The following NRXN3 variants were observed in gnomAD, a reference collection of about 807,000 sequenced individuals.
NRXN3 encodes neurexin 3, also known as neurexin III.
A neutral mutation model predicts 137.6 loss-of-function variants in NRXN3; 32 were observed. The observed-to-expected ratio is 0.23, with a 90% CI of 0.18 to 0.31. The LOEUF is 0.31. Among genes scored for constraint, NRXN3 ranks in the 10% least tolerant of loss-of-function variants. The pLI is 1.00. For missense variants in NRXN3, 1,574 were observed against 2,062.5 expected (o/e 0.76, Z 4.59); for synonymous variants, 798 against 784.5 (o/e 1.02, Z -0.29).
At chr14:79,429,321 A>T (rs1268578981) in intron 15 of NRXN3, among the ~76,000 whole-genome samples, 2 of 152,196 alleles carry the variant, frequency 1.3e-5, no homozygotes, top group South Asian at 4.1e-4. Flanking sequence ...TCTGGCACAC[A>T]TTATTTAACA....
At chr14:79,160,204 C>CT (rs2060628688) in intron 15 of NRXN3, among the ~76,000 whole-genome samples, 1 of 151,884 alleles carries the variant, frequency 6.6e-6, no homozygotes, top group South Asian at 2.1e-4. Context: ...AAGCCCAGAA[C>CT]TTTAACATAA....
intron 15 of NRXN3, among the ~76,000 whole-genome samples, chr14:79,007,684 T>C (rs2099556128): frequency 6.6e-6 from 1 of 150,718 alleles, no homozygotes; most frequent in African/African-American, 2.4e-5. Flanking sequence ...TGGGCATCTA[T>C]AGTCCCAGCT....
chr14:78,487,780 T>C, intron 4 of NRXN3, among the ~76,000 whole-genome samples: 1 of 134,382 alleles, frequency 7.4e-6, no homozygotes, highest in African/African-American at 3.0e-5. Context: ...AATAAATAAA[T>C]AAATAAATAA....
intron 20 of NRXN3, among the ~76,000 whole-genome samples, chr14:79,848,969 A>C (rs752236717): frequency 2.4e-4 from 37 of 152,062 alleles, no homozygotes; most frequent in Non-Finnish European, 3.8e-4. Flanking sequence ...ATGTCCTCCA[A>C]ATTTTCTCAT....
intron 20 of NRXN3, among the ~76,000 whole-genome samples, chr14:79,832,884 A>G (rs2099327872): frequency 6.6e-6 from 1 of 152,212 alleles, no homozygotes; most frequent in South Asian, 2.1e-4. Context: ...TAAAAGTTAT[A>G]AATAAAGCTA....
At chr14:79,778,348 G>A (rs1340011669) in intron 19 of NRXN3, among the ~76,000 whole-genome samples, 4 of 152,030 alleles carry the variant, frequency 2.6e-5, no homozygotes, top group African/African-American at 9.7e-5. Context: ...CCCAGGAGGC[G>A]GAGGTTGCAG....
chr14:79,003,856 T>G (rs1027958057), intron 15 of NRXN3, among the ~76,000 whole-genome samples: 15 of 152,160 alleles, frequency 9.9e-5, no homozygotes, highest in Admixed American at 7.9e-4. Context: ...CATGGCGATT[T>G]TGATAATCAG....
intron 4 of NRXN3, among the ~76,000 whole-genome samples, chr14:78,343,288 A>C (rs1030350521): frequency 6.6e-6 from 1 of 152,194 alleles, no homozygotes; most frequent in Non-Finnish European, 1.5e-5. Flanking sequence ...GAATATCATA[A>C]TCTCACAGTT....
chr14:78,635,307 A>C (rs17094080), intron 4 of NRXN3, among the ~76,000 whole-genome samples: 11,628 of 152,228 alleles, frequency 0.076, 536 homozygotes, highest in Middle Eastern at 0.15. Context: ...TAAAAAATTC[A>C]TACTTATTGC....
intron 9 of NRXN3, among the ~76,000 whole-genome samples, chr14:78,808,128 T>G (rs2098888642): frequency 6.6e-6 from 1 of 152,118 alleles, no homozygotes; most frequent in Non-Finnish European, 1.5e-5. Flanking sequence ...GGGATAGATT[T>G]TCCTTCTCAA....
intron 16 of NRXN3, among the ~76,000 whole-genome samples, chr14:79,550,247 G>A (rs1430996830): frequency 6.6e-6 from 1 of 152,030 alleles, no homozygotes; most frequent in Admixed American, 6.6e-5. Context: ...GGGATTACAG[G>A]CATGAGCCAC....
intron 10 of NRXN3, among the ~76,000 whole-genome samples, chr14:78,820,425 TAAAAAAAAA>T (rs10632138): frequency 8.3e-6 from 1 of 120,994 alleles, no homozygotes; most frequent in Non-Finnish European, 1.7e-5. Flanking sequence ...ATGTTATTTC[TAAAAAAAAA>T]AAAAAAAAAA....
chr14:78,489,978 G>A (rs1306659227), intron 4 of NRXN3, among the ~76,000 whole-genome samples: 3 of 151,098 alleles, frequency 2.0e-5, no homozygotes, highest in Admixed American at 6.6e-5. Flanking sequence ...GCAGTGGCAC[G>A]ATCTTGGCTC....
At chr14:78,198,015 C>T (rs753642841) in intron 1 of NRXN3, among the ~76,000 whole-genome samples, 3 of 152,252 alleles carry the variant, frequency 2.0e-5, no homozygotes, top group African/African-American at 4.8e-5. Flanking sequence ...AATATGATTC[C>T]GAAGGGATCT....
intron 2 of NRXN3, among the ~76,000 whole-genome samples, chr14:78,256,201 A>C (rs989168370): frequency 2.6e-5 from 4 of 152,096 alleles, no homozygotes; most frequent in African/African-American, 9.7e-5. Flanking sequence ...TTGTCACTGG[A>C]GATGGAGAGG....
At chr14:79,445,802 G>T (rs183221654) in intron 15 of NRXN3, among the ~76,000 whole-genome samples, 1 of 152,150 alleles carries the variant, frequency 6.6e-6, no homozygotes, top group Non-Finnish European at 1.5e-5. Context: ...AGTAAGAAAG[G>T]TTGGCAAGGG....
intron 16 of NRXN3, among the ~76,000 whole-genome samples, chr14:79,536,456 A>AT (rs543727007): frequency 6.7e-5 from 10 of 149,134 alleles, no homozygotes; most frequent in East Asian, 3.9e-4. Flanking sequence ...TTTATTAATT[A>AT]TTTTTTTTTT....
chr14:78,181,592 G>C lies in NRXN3; in HGVS notation c.-704+10918G>C, dbSNP rs2059812292. Among the ~76,000 whole-genome samples the C allele has an allele frequency of 2.6e-5, 4 of 152,292 alleles. No individual in the cohort carries two copies. The South Asian group carries it at 8.3e-4, about 32-fold the overall frequency. On this transcript the variant is annotated intron_variant, in intron 1 of 20. Coordinates refer to ENST00000335750, the MANE Select transcript of NRXN3 (RefSeq NM_001330195.2). ...GCCTTGTGTGTGGGCAGCCCTCAGG[G>C]AGGAGGGGATGATCCCAACTTAGAA...
At chr14:79,811,772 C>G (rs1190106604) in intron 20 of NRXN3, among the ~76,000 whole-genome samples, 1 of 151,500 alleles carries the variant, frequency 6.6e-6, no homozygotes, top group South Asian at 2.1e-4. Flanking sequence ...TTAGTAGAGA[C>G]GGGTTTTCAC....
Sources: allele counts gnomAD v4.1 joint callset (sites outside exome capture counted in the v4.1 genomes callset), GRCh38; gene constraint gnomAD v4.1.1; transcripts MANE v1.5; gene names NCBI Gene and HGNC (gene_info 2026-07-23, HGNC 2026-07-21).